GPRASP1: variants seen among roughly 807,000 people sequenced by gnomAD.
The protein encoded by GPRASP1 is G protein-coupled receptor associated sorting protein 1, also known as G protein-coupled receptor-associated sorting protein 1.
In GPRASP1, 28 loss-of-function variants were observed where a neutral mutation model predicts 68.4. The ratio of observed to expected loss-of-function variants is 0.41; its 90% confidence interval spans 0.30 to 0.56. The LOEUF (loss-of-function observed/expected upper bound fraction) is 0.56, where lower values mean the gene tolerates loss of function less well. GPRASP1 is among the 20% of genes least tolerant of loss of function. The pLI, the probability that GPRASP1 is intolerant of heterozygous loss-of-function variation, is 0.29. For missense variants in GPRASP1, 913 were observed against 1,031.5 expected (o/e 0.89, Z 1.57); for synonymous variants, 304 against 358.2 (o/e 0.85, Z 1.71).
At position 102,652,451 on chromosome X, in the gene GPRASP1, A is replaced by T. The variant is rs1207480224; in HGVS notation, c.-481+186A>T. 2.7e-5 allele frequency among the ~76,000 whole-genome samples: 3 copies of T among 112,343 alleles called. No individual in the cohort carries two copies. The Admixed American group carries it at 2.8e-4, about 11-fold the overall frequency. ...CACCGTCCTAAACTGGGGGCTTGAA[A>T]GGGTGAGCTTTGGAGGTAGGGGTGA... On this transcript the variant is annotated intron_variant, in intron 3 of 5. Coordinates refer to ENST00000537097, the MANE Select transcript of GPRASP1 (RefSeq NM_001184727.2).
In GPRASP1 at chrX:102,653,613, G is replaced by A. The variant is rs1276594023; in HGVS notation, c.-301G>A. On this transcript the variant is annotated 5_prime_UTR_variant, in exon 6 of 6. Transcript: ENST00000537097. ...CCAGTGGCTGCTCTGCTGGTGGTGG[G>A]GTTGCTGCTGACAACCACCCTCAAC... The A allele has an allele frequency of 8.1e-6, 2 of 246,624 alleles. No homozygotes were observed. Among genetic ancestry groups the A allele is most frequent in the Non-Finnish European group, 1.4e-5 (2 of 138,407 alleles). The allele number at this position is 246,624 out of a possible 1,213,427, so 20.3% of individuals were successfully genotyped here.
Position 102,655,886 on chromosome X carries a change from C to G in GPRASP1, c.1973C>G (p.Thr658Ser). 1 of 1,211,498 alleles carries G rather than the reference C, an allele frequency of 8.3e-7. No individual in the cohort carries two copies. Among genetic ancestry groups the G allele is most frequent in the Non-Finnish European group, 1.1e-6 (1 of 895,400 alleles). The change falls in exon 6 of 6, where the codon ACT (threonine) becomes AGT (serine). Residue 658 changes from threonine (T) to serine (S), a missense_variant. Thr to Ser is a moderately conservative substitution (Grantham distance 58). Transcript: ENST00000537097. Reference sequence around the variant, plus strand: ...GAAGAGGTCAGTATGAAGCATGGGACTGGTGTCAGATGCAGATTTATGGCA... The same window carrying G: ...GAAGAGGTCAGTATGAAGCATGGGAGTGGTGTCAGATGCAGATTTATGGCA... ...AKEEVSMKHG[T>S]GVRCRFMAGA...
Position 102,655,494 on chromosome X carries a change from G to T in GPRASP1, c.1581G>T (p.Ala527=). Residue 527 remains alanine, a synonymous_variant, in exon 6 of 6, where the codon GCG becomes GCT. Coordinates refer to ENST00000537097, the MANE Select transcript of GPRASP1 (RefSeq NM_001184727.2). ...GGTCGTGGTTCTGGGTCATTGATGC[G>T]GCCAGTGTGGAATCTGGTGTTGGGG... ...IFGSWFWVID[A]ASVESGVGVS... 1 of 1,211,254 alleles carries T rather than the reference G, an allele frequency of 8.3e-7. No individual in the cohort carries two copies. Among genetic ancestry groups the T allele is most frequent in the African/African-American group, 1.7e-5 (1 of 57,618 alleles).
In GPRASP1 at chrX:102,655,874, T is replaced by G. The variant is rs2081404582; in HGVS notation, c.1961T>G (p.Met654Arg). 1 of 1,211,436 alleles carries G rather than the reference T, an allele frequency of 8.3e-7. No homozygotes were observed. Among genetic ancestry groups the G allele is most frequent in the Non-Finnish European group, 1.1e-6 (1 of 895,354 alleles). ...PCFGAKEEVS[M>R]KHGTGVRCRF... ...TTTGGAGCCAAAGAAGAGGTCAGTA[T>G]GAAGCATGGGACTGGTGTCAGATGC... The change falls in exon 6 of 6, where the codon ATG (methionine) becomes AGG (arginine). Residue 654 changes from methionine (M) to arginine (R), a missense_variant. Met to Arg is a moderately conservative substitution (Grantham distance 91, BLOSUM62 -1). Coordinates refer to ENST00000537097, the MANE Select transcript of GPRASP1 (RefSeq NM_001184727.2).
Position 102,658,308 on chromosome X carries a change from T to C in GPRASP1, c.*207T>C. The C allele has an allele frequency of 2.7e-6, 1 of 373,338 alleles. No homozygotes were observed. Among genetic ancestry groups the C allele is most frequent in the Admixed American group, 4.9e-5 (1 of 20,448 alleles). The allele number at this position is 373,338 out of a possible 1,213,427, so 30.8% of individuals were successfully genotyped here. A position where few individuals can be genotyped will look rare whatever the true frequency, so the allele number is the denominator to read the frequency against. Reference sequence around the variant, plus strand: ...AAAACACATTTGTTGATATTTGTCTTGTCCACATTGTGATGTTCAGTATTT... The same window carrying C: ...AAAACACATTTGTTGATATTTGTCTCGTCCACATTGTGATGTTCAGTATTT... On this transcript the variant is annotated 3_prime_UTR_variant, in exon 6 of 6. Coordinates refer to ENST00000537097, the MANE Select transcript of GPRASP1 (RefSeq NM_001184727.2).
chrX:102,651,676 G>C lies in GPRASP1; in HGVS notation c.-618-11G>C, dbSNP rs2273052. ...GGACCGGCTGGCAACCTGCCCCCCG[G>C]ACCCTGACAGCCTGGCAACGAGGAG... is the stretch of plus-strand genomic sequence containing the variant. On this transcript the variant is annotated splice_polypyrimidine_tract_variant and intron_variant, in intron 1 of 5. Coordinates refer to ENST00000537097, the MANE Select transcript of GPRASP1 (RefSeq NM_001184727.2). 8,740 of 111,574 alleles carry C rather than the reference G, an allele frequency of 0.078. 324 individuals are homozygous for C. Among genetic ancestry groups the C allele is most frequent in the East Asian group, 0.22 (751 of 3,478 alleles). 9.2% of individuals were successfully genotyped at this position (111,574 alleles called of 1,213,427 possible).
At position 102,654,364 on chromosome X, in the gene GPRASP1, A is replaced by G. The variant is rs979793781; in HGVS notation, c.451A>G (p.Arg151Gly). The G allele has an allele frequency of 8.3e-7, 1 of 1,208,420 alleles. No homozygotes were observed. Among genetic ancestry groups the G allele is most frequent in the African/African-American group, 1.7e-5 (1 of 57,237 alleles). Reference protein sequence around the residue: ...LVNTDTESFPRRKAHYQAGFQ... With the variant: ...LVNTDTESFPGRKAHYQAGFQ... ...TAATACAGACACTGAGAGCTTTCCT[A>G]GAAGGAAGGCCCATTACCAAGCAGG... The change falls in exon 6 of 6, where the codon AGA becomes GGA. Residue 151 changes from arginine to glycine, a missense_variant. Coordinates refer to ENST00000537097, the MANE Select transcript of GPRASP1 (RefSeq NM_001184727.2).
At position 102,654,296 on chromosome X, in the gene GPRASP1, T is replaced by C. The variant is rs1023605044; in HGVS notation, c.383T>C (p.Leu128Ser). 3 of 1,209,619 alleles carry C rather than the reference T, an allele frequency of 2.5e-6. No individual in the cohort carries two copies. The African/African-American group carries it at 5.2e-5, about 21-fold the overall frequency. Residue 128 changes from leucine (L) to serine (S), a missense_variant, in exon 6 of 6, where the codon TTG becomes TCG. Leu to Ser is a moderately radical substitution (Grantham distance 145). Transcript: ENST00000537097. The part of the protein sequence containing the change: ...ASPLVSTDSV[L>S]VAKTKYLSED... The stretch of plus-strand genomic sequence containing the variant: ...CCACTTGTCAGTACTGATTCTGTCT[T>C]GGTTGCTAAAACAAAGTACCTGTCT...
In GPRASP1 at chrX:102,655,105, A is replaced by T; in HGVS notation, c.1192A>T (p.Arg398Trp). The T allele has an allele frequency of 8.3e-7, 1 of 1,212,016 alleles. No homozygotes were observed. ...CCGAGCCAGGGCCAAGCAAGAAGCCAGGTCAGAGGAGGAAGCCCTCATTGG... is the reference window on the plus strand; with the variant it reads ...CCGAGCCAGGGCCAAGCAAGAAGCCTGGTCAGAGGAGGAAGCCCTCATTGG... ...KARARAKQEA[R>W]SEEEALIGTW... The change falls in exon 6 of 6, where the codon AGG becomes TGG. Residue 398 changes from arginine (R) to tryptophan (W), a missense_variant. Arg to Trp is a moderately radical substitution (Grantham distance 101). Coordinates refer to ENST00000537097, the MANE Select transcript of GPRASP1 (RefSeq NM_001184727.2).
intron 2 of GPRASP1, among the ~76,000 whole-genome samples, 182 bp from the exon 3 acceptor site, chrX:102,651,992 TG>T (rs1400363670): frequency 9.0e-6 from 1 of 111,401 alleles, no homozygotes; most frequent in African/African-American, 3.3e-5. Context: ...GGGAGGCAGT[TG>T]GGGGGCGCCT....
Position 102,656,051 on chromosome X carries a change from A to T in GPRASP1, c.2138A>T (p.Tyr713Phe). Residue 713 changes from tyrosine to phenylalanine, a missense_variant, in exon 6 of 6, where the codon TAC becomes TTC. Tyr to Phe is a conservative substitution (Grantham distance 22). Transcript: ENST00000537097. Reference sequence around the variant, plus strand: ...AATTCGTGGTTCTGGTCCAGAAAATACACAAAGCCAGAGGCCATTATAGGG... The same window carrying T: ...AATTCGTGGTTCTGGTCCAGAAAATTCACAAAGCCAGAGGCCATTATAGGG... The part of the protein sequence containing the change: ...IVNSWFWSRK[Y>F]TKPEAIIGSW... The T allele has an allele frequency of 8.3e-7, 1 of 1,211,401 alleles. No individual in the cohort carries two copies. Among genetic ancestry groups the T allele is most frequent in the Non-Finnish European group, 1.1e-6 (1 of 895,061 alleles).
chrX:102,656,034 G>T lies in GPRASP1; in HGVS notation c.2121G>T (p.Trp707Cys). 1.7e-6 allele frequency: 2 copies of T among 1,211,562 alleles called. No homozygotes were observed. The highest frequency in any genetic ancestry group is 1.8e-5 in the South Asian group (1 of 56,984). ...PEEEEDIVNS[W>C]FWSRKYTKPE... ...AGGAAGAGGACATTGTCAATTCGTGGTTCTGGTCCAGAAAATACACAAAGC... is the reference window on the plus strand; with the variant it reads ...AGGAAGAGGACATTGTCAATTCGTGTTTCTGGTCCAGAAAATACACAAAGC... The change falls in exon 6 of 6, where the codon TGG (tryptophan) becomes TGT (cysteine). Residue 707 changes from tryptophan to cysteine, a missense_variant. Coordinates refer to ENST00000537097, the MANE Select transcript of GPRASP1 (RefSeq NM_001184727.2).
rs910245900 is a variant in GPRASP1 at position 102,654,928 on chromosome X, G to A, written c.1015G>A (p.Ala339Thr). The A allele has an allele frequency of 4.1e-6, 5 of 1,210,687 alleles. No homozygotes were observed. The highest frequency in any genetic ancestry group is 5.6e-6 in the Non-Finnish European group (5 of 895,313). ...NRARHRAKRE[A>T]CIDFMPGSID... ...GGCCAGGCACAGGGCCAAGCGAGAA[G>A]CTTGCATTGATTTCATGCCTGGGTC... The change falls in exon 6 of 6, where the codon GCT (alanine) becomes ACT (threonine). Residue 339 changes from alanine (A) to threonine (T), a missense_variant. Transcript: ENST00000537097.
At chrX:102,653,477 GCTGTCCCAC>G (rs1389717750) in intron 5 of GPRASP1, 94 bp from the exon 6 acceptor site, 1 of 118,876 alleles carries the variant, frequency 8.4e-6, no homozygotes, top group Non-Finnish European at 1.7e-5. Flanking sequence ...TCAAAGCCCA[GCTGTCCCAC>G]CTAGCATTCA....
Position 102,652,193 on chromosome X carries a change from G to A in GPRASP1, c.-553G>A, listed in dbSNP as rs1195928627. 5 of 112,960 alleles carry A rather than the reference G, an allele frequency of 4.4e-5. No homozygotes were observed. The highest frequency in any genetic ancestry group is 9.4e-5 in the Non-Finnish European group (5 of 53,369). The allele number at this position is 112,960 out of a possible 1,213,427, so 9.3% of individuals were successfully genotyped here. ...GCGGTAGGTCTGGCGTATTCTGACA[G>A]GACACAGTGAGCATCTGTAGAGGAG... On this transcript the variant is annotated 5_prime_UTR_variant, in exon 3 of 6. Coordinates refer to ENST00000537097, the MANE Select transcript of GPRASP1 (RefSeq NM_001184727.2).
In GPRASP1 at chrX:102,654,610, G is replaced by A; in HGVS notation, c.697G>A (p.Ala233Thr). Residue 233 changes from alanine (A) to threonine (T), a missense_variant, in exon 6 of 6, where the codon GCT (alanine) becomes ACT (threonine). Physicochemically the swap from Ala to Thr is moderately conservative, Grantham distance 58 (BLOSUM62 0). Coordinates refer to ENST00000537097, the MANE Select transcript of GPRASP1 (RefSeq NM_001184727.2). ...ATCCATGCACATGGCCAATCAAGAG[G>A]CTAATACCATGTCTAGGTCCCAAAC... ...NRSMHMANQE[A>T]NTMSRSQTNQ... The A allele has an allele frequency of 8.3e-7, 1 of 1,207,610 alleles. No individual in the cohort carries two copies. The highest frequency in any genetic ancestry group is 1.1e-6 in the Non-Finnish European group (1 of 891,695).
In GPRASP1 at chrX:102,656,131, A is replaced by G; in HGVS notation, c.2218A>G (p.Lys740Glu). 1 of 1,211,501 alleles carries G rather than the reference A, an allele frequency of 8.3e-7. No homozygotes were observed. The highest frequency in any genetic ancestry group is 1.1e-6 in the Non-Finnish European group (1 of 895,326). ...SNIDGTGEKAKLLTEEETIIN... is the reference protein window; with the variant it reads ...SNIDGTGEKAELLTEEETIIN... ...TATAGATGGGACTGGAGAAAAGGCC[A>G]AGTTACTGACTGAAGAGGAGACCAT... Residue 740 changes from lysine to glutamate, a missense_variant, in exon 6 of 6, where the codon AAG becomes GAG. Transcript: ENST00000537097.
At position 102,653,918 on chromosome X, in the gene GPRASP1, C is replaced by T. The variant is rs775730964; in HGVS notation, c.5C>T (p.Thr2Ile). Residue 2 changes from threonine to isoleucine, a missense_variant, in exon 6 of 6, where the codon ACT becomes ATT. By Grantham distance (89) the Thr-to-Ile change is moderately conservative. Transcript: ENST00000537097. ...ACTTTCTTTGTAACTTGTACCATGACTGGGGCAGAGATTGAGTCTGGTGCC... is the reference window on the plus strand; with the variant it reads ...ACTTTCTTTGTAACTTGTACCATGATTGGGGCAGAGATTGAGTCTGGTGCC... Reference protein sequence around the residue: MTGAEIESGAQV... With the variant: MIGAEIESGAQV... 2.2e-5 allele frequency: 26 copies of T among 1,205,717 alleles called. No individual in the cohort carries two copies. The highest frequency in any genetic ancestry group is 2.8e-5 in the Non-Finnish European group (25 of 890,875).
rs1487443774 is a variant in GPRASP1 at position 102,651,604 on chromosome X, G to A, written c.-619+9G>A. 1 of 111,780 alleles carries A rather than the reference G, an allele frequency of 8.9e-6. No homozygotes were observed. The highest frequency in any genetic ancestry group is 1.9e-5 in the Non-Finnish European group (1 of 53,060). The allele number at this position is 111,780 out of a possible 1,213,427, so 9.2% of individuals were successfully genotyped here. A position where few individuals can be genotyped will look rare whatever the true frequency, so the allele number is the denominator to read the frequency against. On this transcript the variant is annotated intron_variant, in intron 1 of 5. Coordinates refer to ENST00000537097, the MANE Select transcript of GPRASP1 (RefSeq NM_001184727.2). ...GCTCTGGGCCTCTGAAGGCAAGTAG[G>A]GGTGCGTGAGGTGGGGGGCCGTGGT...
Sources: allele counts gnomAD v4.1 joint callset (sites outside exome capture counted in the v4.1 genomes callset), GRCh38; gene constraint gnomAD v4.1.1; transcripts MANE v1.5; gene names NCBI Gene and HGNC (gene_info 2026-07-23, HGNC 2026-07-21).